The following SCTR variants were observed in gnomAD, a reference collection of about 807,000 sequenced individuals.
The protein encoded by SCTR is secretin receptor, also known as pancreatic secretin receptor.
In SCTR, 56 loss-of-function variants were observed where a neutral mutation model predicts 60.8. The ratio of observed to expected loss-of-function variants is 0.92; its 90% CI spans 0.74 to 1.15. SCTR has a LOEUF of 1.15. SCTR is among the 50% of genes most tolerant of loss of function. The pLI is 0.00. For synonymous variants in SCTR, 202 were observed against 217.0 expected (o/e 0.93, Z 0.61); for missense variants, 562 against 550.4 (o/e 1.02, Z -0.21).
At chr2:119,440,938 A>G (rs1432545436) in intron 12 of SCTR, among the ~76,000 whole-genome samples, 1 of 152,268 alleles carries the variant, frequency 6.6e-6, no homozygotes, top group Non-Finnish European at 1.5e-5. Flanking sequence ...CAAACCAGAT[A>G]GATGGTCAGT....
intron 2 of SCTR, among the ~76,000 whole-genome samples, chr2:119,483,154 G>T (rs939256331): frequency 6.6e-6 from 1 of 152,246 alleles, no homozygotes; most frequent in African/African-American, 2.4e-5. Flanking sequence ...CGTCTGAGAG[G>T]CTTCCTAACT....
At chr2:119,490,181 C>A (rs1300656303) in intron 2 of SCTR, among the ~76,000 whole-genome samples, 1 of 152,196 alleles carries the variant, frequency 6.6e-6, no homozygotes, top group African/African-American at 2.4e-5. Flanking sequence ...CAAGTGCAGT[C>A]GGAGCCAGAG....
Position 119,523,438 on chromosome 2 carries a change from T to C in SCTR, c.72+717A>G, listed in dbSNP as rs1679352986. Among the ~76,000 whole-genome samples, 3 of 144,866 alleles carry C rather than the reference T, an allele frequency of 2.1e-5. No individual in the cohort carries two copies. The South Asian group carries it at 6.5e-4, about 31-fold the overall frequency. ...TTATTATTATTATTATTATTATTATTATTTTCCTCCTCCAGCCCCTTGCCA... is the reference window on the plus strand; with the variant it reads ...TTATTATTATTATTATTATTATTATCATTTTCCTCCTCCAGCCCCTTGCCA... On this transcript the variant is annotated intron_variant, in intron 1 of 12. Coordinates refer to ENST00000019103, the MANE Select transcript of SCTR (RefSeq NM_002980.3).
chr2:119,524,335 C>A lies in SCTR; in HGVS notation c.-109G>T, dbSNP rs1041570614. 1.5e-6 allele frequency: 1 copy of A among 688,746 alleles called. No individual in the cohort carries two copies. Among genetic ancestry groups the A allele is most frequent in the Non-Finnish European group, 2.1e-6 (1 of 473,524 alleles). The allele number at this position is 688,746 out of a possible 1,614,324, so 42.7% of individuals were successfully genotyped here. A position where few individuals can be genotyped will look rare whatever the true frequency, so the allele number is the denominator to read the frequency against. On this transcript the variant is annotated 5_prime_UTR_variant, in exon 1 of 13. Coordinates refer to ENST00000019103, the MANE Select transcript of SCTR (RefSeq NM_002980.3). Reference sequence around the variant, plus strand: ...GGTCCCGGGCTCCGGCCGGCCGCTGCGCCCCGAGGAGCCATGGCTGAGCCA... The same window carrying A: ...GGTCCCGGGCTCCGGCCGGCCGCTGAGCCCCGAGGAGCCATGGCTGAGCCA...
chr2:119,480,289 A>G (rs1056880411), intron 2 of SCTR, among the ~76,000 whole-genome samples: 2 of 152,202 alleles, frequency 1.3e-5, no homozygotes, highest in Non-Finnish European at 2.9e-5. Flanking sequence ...GAGGTCTCAC[A>G]ATCATGGTGG....
In SCTR at chr2:119,440,364, C is replaced by T. The variant is rs114609730; in HGVS notation, c.1183-107G>A. 1,179 of 1,305,492 alleles carry T rather than the reference C, an allele frequency of 9.0e-4. 7 individuals are homozygous for T. In the African/African-American group the frequency reaches 0.012, roughly 14 times the overall value. The allele number at this position is 1,305,492 out of a possible 1,614,324, so 80.9% of individuals were successfully genotyped here. On this transcript the variant is annotated intron_variant, in intron 12 of 12. Transcript: ENST00000019103. ...CGCAGGCCCTGCCACTCCTGCCCAG[C>T]TGCCCTGTCCCCTAGCCTGCAGGCC...
At chr2:119,480,939 C>G (rs1025890594) in intron 2 of SCTR, 1 of 152,584 alleles carries the variant, frequency 6.6e-6, no homozygotes, top group African/African-American at 2.4e-5. Flanking sequence ...AGGCCTCCCC[C>G]ACCTTGCCAG....
intron 7 of SCTR, among the ~76,000 whole-genome samples, chr2:119,457,700 T>G (rs1480487945): frequency 6.6e-6 from 1 of 151,688 alleles, no homozygotes; most frequent in African/African-American, 2.4e-5. Context: ...GCCAAGAGAG[T>G]GAGATCCTGT....
intron 9 of SCTR, among the ~76,000 whole-genome samples, chr2:119,449,338 G>A (rs1344457346): frequency 6.6e-6 from 1 of 152,180 alleles, no homozygotes; most frequent in African/African-American, 2.4e-5. Context: ...GCTTCAAGAA[G>A]CCACCCTTGA....
intron 2 of SCTR, among the ~76,000 whole-genome samples, chr2:119,491,848 A>G (rs557142035): frequency 3.3e-5 from 5 of 152,182 alleles, no homozygotes; most frequent in Non-Finnish European, 5.9e-5. Context: ...CTCCCTCACC[A>G]GGCTGAGTCA....
At chr2:119,493,373 AT>A (rs1458351815) in intron 2 of SCTR, among the ~76,000 whole-genome samples, 3 of 152,190 alleles carry the variant, frequency 2.0e-5, no homozygotes, top group Admixed American at 6.5e-5. Flanking sequence ...ATGAACATCC[AT>A]GTACAGATGT....
intron 11 of SCTR, among the ~76,000 whole-genome samples, chr2:119,444,444 T>C (rs916303104): frequency 9.8e-5 from 12 of 122,316 alleles, no homozygotes; most frequent in Admixed American, 8.9e-4. Context: ...TACACATATA[T>C]ATACGTACGT....
chr2:119,499,409 A>T (rs928612938), intron 1 of SCTR, among the ~76,000 whole-genome samples: 4 of 152,132 alleles, frequency 2.6e-5, no homozygotes, highest in African/African-American at 9.6e-5. Flanking sequence ...ACAACAGCAG[A>T]ATACACATTT....
intron 1 of SCTR, among the ~76,000 whole-genome samples, chr2:119,504,773 A>G (rs1678674525): frequency 6.6e-6 from 1 of 152,162 alleles, no homozygotes; most frequent in Non-Finnish European, 1.5e-5. Flanking sequence ...TGTTAAGAAG[A>G]TGAAGAGACA....
chr2:119,492,714 A>G (rs1362493225), intron 2 of SCTR, among the ~76,000 whole-genome samples: 2 of 152,038 alleles, frequency 1.3e-5, no homozygotes, highest in Non-Finnish European at 2.9e-5. Flanking sequence ...ATCACTTCCC[A>G]TTGTTCCTTC....
Position 119,441,226 on chromosome 2 carries a change from C to T in SCTR, c.1182+332G>A, listed in dbSNP as rs192447001. On this transcript the variant is annotated intron_variant, in intron 12 of 12. Transcript: ENST00000019103. ...AGTCAGGAACCTGGGTTCTGCCCAA[C>T]TTTCCTCCTGCATTTGCTGAACAGA... Among the ~76,000 whole-genome samples the T allele has an allele frequency of 1.3e-3, 196 of 152,368 alleles. 1 individual carries two copies. The highest frequency in any genetic ancestry group is 6.8e-3 in the Middle Eastern group (2 of 294).
intron 1 of SCTR, among the ~76,000 whole-genome samples, chr2:119,504,412 G>A (rs1385823319): frequency 6.6e-6 from 1 of 151,974 alleles, no homozygotes; most frequent in Admixed American, 6.6e-5. Context: ...GACCAAGATG[G>A]TGAAACCCCA....
chr2:119,507,663 C>CTTTTTTTTTTTTTTT (rs751779879), intron 1 of SCTR, among the ~76,000 whole-genome samples: 6 of 114,786 alleles, frequency 5.2e-5, no homozygotes, highest in Non-Finnish European at 5.2e-5. Context: ...CTTTCTCGTT[C>CTTTTTTTTTTTTTTT]TTTTTTTTTT....
At chr2:119,522,852 A>C (rs925191766) in intron 1 of SCTR, among the ~76,000 whole-genome samples, 4 of 152,144 alleles carry the variant, frequency 2.6e-5, no homozygotes, top group African/African-American at 4.8e-5. Flanking sequence ...TGGGAGTCAA[A>C]ACTCATGAGT....
Sources: gnomAD v4.1 joint callset for allele counts (sites outside exome capture counted in the v4.1 genomes callset) on GRCh38, gnomAD v4.1.1 for gene constraint, MANE v1.5 for transcripts, NCBI Gene and HGNC (gene_info 2026-07-23, HGNC 2026-07-21) for gene names.